The following IFT122 variants were observed in gnomAD, a reference collection of about 807,000 sequenced individuals.
The protein encoded by IFT122 is intraflagellar transport protein 122 homolog.
IFT122 carries 118 observed loss-of-function variants against 161.6 expected under a neutral mutation model. The observed-to-expected ratio is 0.73, with a 90% CI of 0.63 to 0.85. IFT122 has a LOEUF of 0.85. Ranked by LOEUF, IFT122 falls within the 40% of genes least tolerant of loss-of-function variation. IFT122 has a pLI of 0.00. For missense variants in IFT122, 1,381 were observed against 1,579.6 expected, an observed-to-expected ratio of 0.87 and a Z score of 2.13; for synonymous variants, 550 against 602.4, an observed-to-expected ratio of 0.91 and a Z score of 1.27.
At chr3:129,467,856 G>C (rs1417381641) in intron 8 of IFT122, among the ~76,000 whole-genome samples, 1 of 152,228 alleles carries the variant, frequency 6.6e-6, no homozygotes, top group Admixed American at 6.5e-5. Flanking sequence ...GTGGGGACCA[G>C]TAAAGGAGGA....
chr3:129,495,580 C>A lies in IFT122; in HGVS notation c.2181C>A (p.Thr727=), dbSNP rs545131069. 19 of 1,614,040 alleles carry A rather than the reference C, an allele frequency of 1.2e-5. No homozygotes were observed. The highest frequency in any genetic ancestry group is 1.1e-5 in the South Asian group (1 of 91,088). ...GHENLALEMY[T]DLCMFEYAKD... Reference sequence around the variant, plus strand: ...AGAACCTCGCGCTTGAAATGTACACCGACCTCTGCATGTTTGAGTATGCCA... The same window carrying A: ...AGAACCTCGCGCTTGAAATGTACACAGACCTCTGCATGTTTGAGTATGCCA... Residue 727 remains threonine, a synonymous_variant, in exon 18 of 30, where the codon ACC becomes ACA. Coordinates refer to ENST00000348417, the MANE Select transcript of IFT122 (RefSeq NM_052989.3).
intron 2 of IFT122, 74 bp downstream of exon 2, chr3:129,450,011 CTTT>C (rs79918649): frequency 3.7e-3 from 2,885 of 775,348 alleles, no homozygotes; most frequent in Middle Eastern, 6.7e-3. Flanking sequence ...AAATTTGACC[CTTT>C]TTTTTTTTTT....
At position 129,466,456 on chromosome 3, in the gene IFT122, G is replaced by A. The variant is rs1249048784; in HGVS notation, c.564-434G>A. ...TATACCTGGTGGCTGTCCTCCTCCA[G>A]GTAGGGTTCAGAGGCTCCTTTTATT... On this transcript the variant is annotated intron_variant, in intron 7 of 29. Coordinates refer to ENST00000348417, the MANE Select transcript of IFT122 (RefSeq NM_052989.3). 2.0e-5 allele frequency among the ~76,000 whole-genome samples: 3 copies of A among 151,100 alleles called. No individual in the cohort carries two copies. The East Asian group carries it at 5.8e-4, about 29-fold the overall frequency.
intron 21 of IFT122, 96 bp from the exon 22 acceptor site, chr3:129,506,313 A>G: frequency 6.9e-7 from 1 of 1,456,692 alleles, no homozygotes. Context: ...CCTACTTCCA[A>G]AGCAGCCCTG....
intron 5 of IFT122, chr3:129,463,234 G>A (rs374235569): frequency 1.4e-4 from 46 of 340,508 alleles, no homozygotes; most frequent in African/African-American, 8.9e-4. Flanking sequence ...TTGTTTTATC[G>A]CATGTGTAGA....
chr3:129,452,879 G>A (rs890748048), intron 3 of IFT122, among the ~76,000 whole-genome samples: 1 of 152,206 alleles, frequency 6.6e-6, no homozygotes, highest in Non-Finnish European at 1.5e-5. Context: ...TGTGGGGGCA[G>A]AGGAGGTGAT....
intron 18 of IFT122, among the ~76,000 whole-genome samples, chr3:129,496,770 G>A (rs1427081450): frequency 2.0e-5 from 3 of 151,938 alleles, no homozygotes; most frequent in Non-Finnish European, 4.4e-5. Context: ...CTTTTTCCTC[G>A]TCACCTTTCC....
intron 22 of IFT122, among the ~76,000 whole-genome samples, chr3:129,507,024 C>T (rs967912172): frequency 5.3e-5 from 8 of 152,208 alleles, no homozygotes; most frequent in African/African-American, 1.9e-4. Context: ...AGATGTTCTT[C>T]TCCACTGGAC....
intron 20 of IFT122, among the ~76,000 whole-genome samples, chr3:129,503,746 T>G (rs1430588049): frequency 3.3e-5 from 5 of 151,932 alleles, no homozygotes; most frequent in Non-Finnish European, 7.4e-5. Flanking sequence ...CAAGAGAAAT[T>G]TATTAGATTT....
chr3:129,444,604 C>T (rs2107825916), intron 1 of IFT122, among the ~76,000 whole-genome samples: 1 of 152,108 alleles, frequency 6.6e-6, no homozygotes, highest in African/African-American at 2.4e-5. Flanking sequence ...TCACTGCAAG[C>T]TCCGCCTCCC....
intron 1 of IFT122, among the ~76,000 whole-genome samples, chr3:129,444,646 C>T (rs1422485521): frequency 3.3e-5 from 5 of 152,058 alleles, no homozygotes; most frequent in Non-Finnish European, 7.4e-5. Context: ...CTCAGCCTCC[C>T]GAGTAGGTGG....
chr3:129,476,491 G>A lies in IFT122; in HGVS notation c.993G>A (p.Pro331=), dbSNP rs775251218. The A allele has an allele frequency of 1.6e-5, 26 of 1,613,990 alleles. No homozygotes were observed. In the Admixed American group the frequency reaches 1.7e-4, roughly 10 times the overall value. Residue 331 remains proline, a synonymous_variant, in exon 10 of 30, where the codon CCG becomes CCA. Transcript: ENST00000348417. ...GGGTGTGGACGTGTCAAGCGAAACC[G>A]GATTCCAACTATGTGGTAAGAAGAG... is the stretch of plus-strand genomic sequence containing the variant. ...NSWVWTCQAK[P]DSNYVVVGCQ...
chr3:129,492,243 C>T (rs1215513959), intron 17 of IFT122, 49 bp downstream of exon 17: 1 of 1,421,444 alleles, frequency 7.0e-7, no homozygotes, highest in Non-Finnish European at 9.9e-7. Flanking sequence ...CTTGGGGTTC[C>T]TGTTTTAGGG....
intron 18 of IFT122, among the ~76,000 whole-genome samples, chr3:129,498,785 A>AG (rs879797752): frequency 6.6e-6 from 1 of 152,168 alleles, no homozygotes; most frequent in Non-Finnish European, 1.5e-5. Flanking sequence ...TACTCTCCAC[A>AG]GGGTACATTA....
chr3:129,447,829 A>C (rs1410413345), intron 1 of IFT122, among the ~76,000 whole-genome samples: 1 of 152,158 alleles, frequency 6.6e-6, no homozygotes, highest in Non-Finnish European at 1.5e-5. Context: ...TATCATACTT[A>C]AAGTCTGTGT....
At position 129,519,962 on chromosome 3, in the gene IFT122, C is replaced by T. The variant is rs191687656; in HGVS notation, c.3637-214C>T. Among the ~76,000 whole-genome samples, 99 of 152,274 alleles carry T rather than the reference C, an allele frequency of 6.5e-4. 1 individual carries two copies. In the East Asian group the frequency reaches 0.017, roughly 26 times the overall value. On this transcript the variant is annotated intron_variant, in intron 29 of 29. Transcript: ENST00000348417. ...CCCCAAATCCTGGGGGCCCAGCAAG[C>T]GTGATGTGCCCTTGACCTTCACTCA...
intron 17 of IFT122, among the ~76,000 whole-genome samples, chr3:129,492,899 G>C (rs2080321317): frequency 6.7e-6 from 1 of 148,234 alleles, no homozygotes; most frequent in Non-Finnish European, 1.5e-5. Context: ...GCTTACTGCA[G>C]CATAGACCTC....
chr3:129,487,850 C>T, intron 15 of IFT122: 1 of 330,710 alleles, frequency 3.0e-6, no homozygotes, highest in Non-Finnish European at 5.9e-6. Context: ...ACTCTTTCCC[C>T]TGGGGTGGGG....
chr3:129,476,681 G>A lies in IFT122; in HGVS notation c.1027G>A (p.Gly343Ser), dbSNP rs761534617. The change falls in exon 11 of 30, where the codon GGC becomes AGC. Residue 343 changes from glycine to serine, a missense_variant. Gly to Ser is a moderately conservative substitution (Grantham distance 56, BLOSUM62 0). Around this residue, in one of 7 missense-constraint regions of IFT122, gnomAD observed 544 missense variants for 648.0 expected, o/e 0.84. Coordinates refer to ENST00000348417, the MANE Select transcript of IFT122 (RefSeq NM_052989.3). Reference sequence around the variant, plus strand: ...CCCGCAGGTGGTCGGCTGCCAGGACGGCACCATTTCCTTCTACCAGCTTAT... The same window carrying A: ...CCCGCAGGTGGTCGGCTGCCAGGACAGCACCATTTCCTTCTACCAGCTTAT... ...SNYVVVGCQD[G>S]TISFYQLIFS... The A allele has an allele frequency of 9.9e-6, 16 of 1,614,036 alleles. No homozygotes were observed. The East Asian group carries it at 1.1e-4, about 11-fold the overall frequency.
Sources: allele counts gnomAD v4.1 joint callset (sites outside exome capture counted in the v4.1 genomes callset), GRCh38; gene constraint gnomAD v4.1.1; regional missense constraint gnomAD v4.1.1; transcripts MANE v1.5; gene names NCBI Gene and HGNC (gene_info 2026-07-23, HGNC 2026-07-21).